RBFOX1: variants seen among roughly 807,000 people sequenced by gnomAD.
RBFOX1 encodes RNA binding protein fox-1 homolog 1.
In RBFOX1, 8 loss-of-function variants were observed where a neutral mutation model predicts 57.7. The ratio of observed to expected loss-of-function variants is 0.14; its 90% CI spans 0.08 to 0.25. The LOEUF (loss-of-function observed/expected upper bound fraction) is 0.25, where lower values mean the gene tolerates loss of function less well. Ranked by LOEUF, RBFOX1 falls within the 10% of genes least tolerant of loss-of-function variation. The pLI is 1.00. For missense variants in RBFOX1, 611 were observed against 548.5 expected (o/e 1.11, Z -1.14); for synonymous variants, 326 against 222.4 (o/e 1.47, Z -4.15).
chr16:6,338,026 G>A (rs1442735151), intron 2 of RBFOX1, among the ~76,000 whole-genome samples: 2 of 152,182 alleles, frequency 1.3e-5, no homozygotes, highest in Non-Finnish European at 2.9e-5. Context: ...TGATGTGCAA[G>A]CAATACTTTG....
intron 3 of RBFOX1, among the ~76,000 whole-genome samples, chr16:6,711,120 C>A (rs1435623369): frequency 6.6e-6 from 1 of 152,118 alleles, no homozygotes; most frequent in Non-Finnish European, 1.5e-5. Flanking sequence ...TGCGTCTAAT[C>A]CCTGCTGCAG....
chr16:6,722,625 G>C (rs574140092), intron 3 of RBFOX1, among the ~76,000 whole-genome samples: 2 of 152,272 alleles, frequency 1.3e-5, no homozygotes, highest in South Asian at 2.1e-4. Context: ...TTTCTGTCTT[G>C]TGTACTTGAA....
chr16:6,123,332 A>G (rs1815813388), intron 1 of RBFOX1, among the ~76,000 whole-genome samples: 1 of 152,266 alleles, frequency 6.6e-6, no homozygotes, highest in Non-Finnish European at 1.5e-5. Flanking sequence ...TTATAACATA[A>G]TAAAATTCTG....
At chr16:7,341,883 T>C (rs1368684476) in intron 4 of RBFOX1, among the ~76,000 whole-genome samples, 1 of 149,458 alleles carries the variant, frequency 6.7e-6, no homozygotes, top group African/African-American at 2.5e-5. Context: ...CCTTCCCACC[T>C]TGCATCCAAC....
intron 3 of RBFOX1, among the ~76,000 whole-genome samples, chr16:5,631,015 G>A (rs576018137): frequency 6.6e-6 from 1 of 152,198 alleles, no homozygotes; most frequent in Non-Finnish European, 1.5e-5. Context: ...CCCTTGGAAG[G>A]GTCGCACTTG....
At chr16:5,486,633 A>G (rs2042636830) in intron 2 of RBFOX1, among the ~76,000 whole-genome samples, 1 of 152,160 alleles carries the variant, frequency 6.6e-6, no homozygotes, top group African/African-American at 2.4e-5. Context: ...TTCTTCCCCC[A>G]TTAGCTTGAC....
At chr16:6,448,149 T>TTTC (rs2094522720) in intron 2 of RBFOX1, among the ~76,000 whole-genome samples, 1 of 124,728 alleles carries the variant, frequency 8.0e-6, no homozygotes, top group Non-Finnish European at 1.6e-5. Flanking sequence ...TTTCTTTTCT[T>TTTC]TTCTTTCTTT....
chr16:6,465,277 GTTAA>G (rs1567337375), intron 2 of RBFOX1, among the ~76,000 whole-genome samples: 1 of 152,072 alleles, frequency 6.6e-6, no homozygotes, highest in African/African-American at 2.4e-5. Context: ...TGTTATTGTT[GTTAA>G]TTATTTTATT....
chr16:6,486,274 C>A (rs2095480268), intron 2 of RBFOX1, among the ~76,000 whole-genome samples: 1 of 151,858 alleles, frequency 6.6e-6, no homozygotes, highest in Non-Finnish European at 1.5e-5. Flanking sequence ...ATGGGCCAAT[C>A]TTGAGCTAAA....
At chr16:6,875,668 T>C (rs1409954894) in intron 3 of RBFOX1, among the ~76,000 whole-genome samples, 3 of 152,248 alleles carry the variant, frequency 2.0e-5, no homozygotes, top group African/African-American at 7.2e-5. Context: ...AGAAGTTATA[T>C]TTTCTTTATA....
intron 5 of RBFOX1, among the ~76,000 whole-genome samples, chr16:7,534,326 C>A (rs968050279): frequency 6.6e-6 from 1 of 151,940 alleles, no homozygotes; most frequent in Admixed American, 6.6e-5. Flanking sequence ...CTCCTGGCCT[C>A]AGGTGATCCG....
chr16:7,707,229 G>A (rs1436478734), intron 14 of RBFOX1, among the ~76,000 whole-genome samples: 1 of 152,134 alleles, frequency 6.6e-6, no homozygotes, highest in Non-Finnish European at 1.5e-5. Context: ...TGCAAACCTG[G>A]TATAATCAAT....
intron 13 of RBFOX1, among the ~76,000 whole-genome samples, chr16:7,669,484 AT>A (rs2070662603): frequency 6.6e-6 from 1 of 152,218 alleles, no homozygotes; most frequent in African/African-American, 2.4e-5. Context: ...GATATAGAGT[AT>A]AAATGTTAAC....
At chr16:7,292,644 A>G (rs1032840447) in intron 4 of RBFOX1, among the ~76,000 whole-genome samples, 2 of 151,698 alleles carry the variant, frequency 1.3e-5, no homozygotes, top group Non-Finnish European at 2.9e-5. Context: ...ATGCCAAGCG[A>G]GAGTTTTTTG....
At chr16:5,828,599 C>G (rs774900991) in intron 3 of RBFOX1, among the ~76,000 whole-genome samples, 1 of 151,694 alleles carries the variant, frequency 6.6e-6, no homozygotes, top group South Asian at 2.1e-4. Context: ...CTCGGGAGGC[C>G]GAGGCAGGAG....
intron 4 of RBFOX1, among the ~76,000 whole-genome samples, chr16:7,226,802 T>C (rs1217128387): frequency 6.6e-6 from 1 of 152,184 alleles, no homozygotes; most frequent in Non-Finnish European, 1.5e-5. Context: ...TCTTTATAAA[T>C]AAGTCAGTGA....
intron 4 of RBFOX1, among the ~76,000 whole-genome samples, chr16:7,377,472 G>A (rs1193782966): frequency 1.3e-5 from 2 of 152,136 alleles, no homozygotes; most frequent in Non-Finnish European, 1.5e-5. Context: ...TGACAGCTTG[G>A]CTAACACATC....
chr16:6,811,491 G>T (rs1037644090), intron 3 of RBFOX1, among the ~76,000 whole-genome samples: 3 of 152,132 alleles, frequency 2.0e-5, no homozygotes, highest in Non-Finnish European at 1.5e-5. Flanking sequence ...AGGAGTCAGG[G>T]ATGTTTAAGT....
At chr16:6,592,091 C>G (rs141992133) in intron 2 of RBFOX1, among the ~76,000 whole-genome samples, 2 of 152,160 alleles carry the variant, frequency 1.3e-5, no homozygotes, top group African/African-American at 2.4e-5. Flanking sequence ...TTTAGACACA[C>G]GTTCCAATGT....
Sources: gnomAD v4.1 joint callset for allele counts (sites outside exome capture counted in the v4.1 genomes callset) on GRCh38, gnomAD v4.1.1 for gene constraint, MANE v1.5 for transcripts, NCBI Gene and HGNC (gene_info 2026-07-23, HGNC 2026-07-21) for gene names.